SORBS2: variants seen among roughly 807,000 people sequenced by gnomAD.
SORBS2 encodes sorbin and SH3 domain-containing protein 2.
Under a neutral mutation model 97.7 loss-of-function variants are expected in SORBS2, and 46 were observed. The ratio of observed to expected loss-of-function variants is 0.47; its 90% confidence interval spans 0.37 to 0.60. The LOEUF (loss-of-function observed/expected upper bound fraction) is 0.60, where lower values mean the gene tolerates loss of function less well. Among genes scored for constraint, SORBS2 ranks in the 20% least tolerant of loss-of-function variants. SORBS2 has a pLI of 0.00. For synonymous variants in SORBS2, 476 were observed against 473.4 expected, an observed-to-expected ratio of 1.01 and a Z score of -0.07; for missense variants, 1,316 against 1,282.3, an observed-to-expected ratio of 1.03 and a Z score of -0.40.
intron 4 of SORBS2, among the ~76,000 whole-genome samples, chr4:185,673,015 A>T (rs189150930): frequency 6.6e-6 from 1 of 152,340 alleles, no homozygotes; most frequent in African/African-American, 2.4e-5. Flanking sequence ...GTGTATACGC[A>T]TACTAGGATA....
chr4:185,608,927 A>G lies in SORBS2; in HGVS notation c.2796+2853T>C, dbSNP rs373278074. 2.0e-5 allele frequency among the ~76,000 whole-genome samples: 3 copies of G among 152,140 alleles called. No homozygotes were observed. In the East Asian group the frequency reaches 5.8e-4, roughly 29 times the overall value. On this transcript the variant is annotated intron_variant, in intron 12 of 14. Coordinates refer to ENST00000418609, the Ensembl canonical transcript of SORBS2. The stretch of plus-strand genomic sequence containing the variant: ...GGGACTTAGTGTGTGTGAGTGGGTG[A>G]TGCATTTCCTACTTAACTTTTGACT...
At chr4:185,904,812 T>C (rs960138028) in intron 1 of SORBS2, among the ~76,000 whole-genome samples, 1 of 151,428 alleles carries the variant, frequency 6.6e-6, no homozygotes, top group Non-Finnish European at 1.5e-5. Context: ...CCTCCAAGGG[T>C]AAAAGAAATA....
At chr4:185,708,516 T>A (rs1228601724) in intron 2 of SORBS2, among the ~76,000 whole-genome samples, 1 of 152,232 alleles carries the variant, frequency 6.6e-6, no homozygotes, top group African/African-American at 2.4e-5. Flanking sequence ...TTAGTTATAA[T>A]CACAGGAGCA....
rs1277695065 is a variant in SORBS2 at position 185,934,797 on chromosome 4, A to AG, written c.-338+21398_-338+21399insC. On this transcript the variant is annotated intron_variant, in intron 1 of 20. Transcript: ENST00000284776. ...ACTCCATCTCAAAAAAAAAAAAAAA[A>AG]TGAGAGAGAAATCAAGGCAGTTGCT... is the stretch of plus-strand genomic sequence containing the variant. Among the ~76,000 whole-genome samples the AG allele has an allele frequency of 5.3e-5, 8 of 151,538 alleles. No individual in the cohort carries two copies. In the East Asian group the frequency reaches 1.5e-3, roughly 29 times the overall value.
At chr4:185,753,497 C>G (rs955590195) in intron 2 of SORBS2, among the ~76,000 whole-genome samples, 2 of 151,810 alleles carry the variant, frequency 1.3e-5, no homozygotes. Flanking sequence ...ATTTGGGTAC[C>G]AATTTGGAAT....
At chr4:185,650,239 G>T (rs531449762) in intron 2 of SORBS2, among the ~76,000 whole-genome samples, 1 of 152,280 alleles carries the variant, frequency 6.6e-6, no homozygotes, top group South Asian at 2.1e-4. Context: ...ATTGGTAAAA[G>T]ATAATAAAGA....
intron 9 of SORBS2, among the ~76,000 whole-genome samples, chr4:185,617,749 T>C (rs2096650847): frequency 6.6e-6 from 1 of 152,034 alleles, no homozygotes; most frequent in Non-Finnish European, 1.5e-5. Flanking sequence ...AAAAGAAATA[T>C]TGCAATTCAG....
chr4:185,866,269 GCA>G (rs143563650), intron 1 of SORBS2, among the ~76,000 whole-genome samples: 401 of 152,288 alleles, frequency 2.6e-3, no homozygotes, highest in African/African-American at 9.2e-3. Context: ...CAAACCAAGC[GCA>G]GTGTTTACCA....
At chr4:185,920,442 C>G (rs1433732301) in intron 1 of SORBS2, among the ~76,000 whole-genome samples, 1 of 152,208 alleles carries the variant, frequency 6.6e-6, no homozygotes, top group Non-Finnish European at 1.5e-5. Flanking sequence ...AAGAAGTGTA[C>G]TTTTCCAGCC....
In SORBS2 at chr4:185,649,461, C is replaced by G; in HGVS notation, c.281+6G>C. 6.4e-7 allele frequency: 1 copy of G among 1,564,810 alleles called. No homozygotes were observed. The highest frequency in any genetic ancestry group is 1.2e-5 in the South Asian group (1 of 84,548). ...ACATAGGCCACCCTGGGGGGAAATG[C>G]CTTACTTTTCTGTTGAAGACCGATC... On this transcript the variant is annotated splice_donor_region_variant and intron_variant, in intron 3 of 14. Coordinates refer to ENST00000418609, the Ensembl canonical transcript of SORBS2.
intron 2 of SORBS2, among the ~76,000 whole-genome samples, chr4:185,718,557 T>C (rs1438767287): frequency 1.3e-5 from 2 of 152,200 alleles, no homozygotes; most frequent in African/African-American, 4.8e-5. Flanking sequence ...CACCACCTCA[T>C]TCTCCATGAT....
chr4:185,736,886 G>T (rs1002867002), intron 2 of SORBS2, among the ~76,000 whole-genome samples: 1 of 152,168 alleles, frequency 6.6e-6, no homozygotes, highest in Non-Finnish European at 1.5e-5. Context: ...AACAAGCAAG[G>T]CTGCTCCATT....
At chr4:185,927,154 AT>A (rs2099264116) in intron 1 of SORBS2, among the ~76,000 whole-genome samples, 1 of 148,914 alleles carries the variant, frequency 6.7e-6, no homozygotes, top group African/African-American at 2.4e-5. Flanking sequence ...ACAACAATAC[AT>A]TTACATACAT....
chr4:185,604,522 G>T (rs2096359341), intron 12 of SORBS2, among the ~76,000 whole-genome samples: 1 of 152,200 alleles, frequency 6.6e-6, no homozygotes, highest in Admixed American at 6.5e-5. Flanking sequence ...CGAAGAAAAT[G>T]ACGGAGGCTT....
chr4:185,650,488 C>T (rs2097295121), intron 2 of SORBS2, among the ~76,000 whole-genome samples: 1 of 152,162 alleles, frequency 6.6e-6, no homozygotes, highest in Non-Finnish European at 1.5e-5. Flanking sequence ...GTCCACTGAT[C>T]AAATGATCAG....
At chr4:185,655,965 G>A (rs927660212) in intron 1 of SORBS2, among the ~76,000 whole-genome samples, 2 of 152,140 alleles carry the variant, frequency 1.3e-5, no homozygotes, top group Non-Finnish European at 2.9e-5. Flanking sequence ...TATGCCTCAA[G>A]TGCCAGTTAC....
chr4:185,706,445 T>C (rs2098342538), intron 2 of SORBS2, among the ~76,000 whole-genome samples: 1 of 152,200 alleles, frequency 6.6e-6, no homozygotes, highest in Non-Finnish European at 1.5e-5. Flanking sequence ...ATGATTATTG[T>C]TACTTTGGGG....
At chr4:185,905,299 T>C (rs138591996) in intron 1 of SORBS2, among the ~76,000 whole-genome samples, 35 of 152,300 alleles carry the variant, frequency 2.3e-4, no homozygotes, top group Non-Finnish European at 4.3e-4. Flanking sequence ...ATACAATACA[T>C]GTAAATGTAC....
chr4:185,693,919 T>G (rs747636737), intron 2 of SORBS2, among the ~76,000 whole-genome samples: 6 of 152,236 alleles, frequency 3.9e-5, no homozygotes, highest in Non-Finnish European at 7.3e-5. Flanking sequence ...TTTAAAGTGA[T>G]GTATCCTGTT....
Sources: gnomAD v4.1 joint callset for allele counts (sites outside exome capture counted in the v4.1 genomes callset) on GRCh38, gnomAD v4.1.1 for gene constraint, MANE v1.5 for transcripts, NCBI Gene and HGNC (gene_info 2026-07-23, HGNC 2026-07-21) for gene names.